Variants in SOX6 observed in about 807,000 individuals in gnomAD.
SOX6 encodes transcription factor SOX-6.
Under a neutral mutation model 97.8 loss-of-function variants are expected in SOX6, and 11 were observed. That is an observed-to-expected ratio of 0.11 (90% confidence interval 0.07 to 0.19). The LOEUF is 0.19. SOX6 is among the 10% of genes least tolerant of loss of function. The pLI is 1.00. For synonymous variants in SOX6, 360 were observed against 371.4 expected (o/e 0.97, Z 0.35); for missense variants, 810 against 1,039.5 (o/e 0.78, Z 3.04).
intron 11 of SOX6, among the ~76,000 whole-genome samples, chr11:16,047,592 T>C (rs1257579696): frequency 6.6e-6 from 1 of 152,094 alleles, no homozygotes; most frequent in Non-Finnish European, 1.5e-5. Context: ...TGAATAAGAT[T>C]TTCCAATTTT....
chr11:16,514,362 A>G (rs903136264), intron 4 of SOX6, among the ~76,000 whole-genome samples: 1 of 152,136 alleles, frequency 6.6e-6, no homozygotes, highest in Non-Finnish European at 1.5e-5. Flanking sequence ...CCAAAAGAAA[A>G]CTGGTAAAAG....
intron 4 of SOX6, among the ~76,000 whole-genome samples, chr11:16,521,630 G>C (rs1404247630): frequency 6.6e-6 from 1 of 152,218 alleles, no homozygotes; most frequent in Non-Finnish European, 1.5e-5. Flanking sequence ...AAGCTGGATG[G>C]AGAATTACTT....
intron 13 of SOX6, among the ~76,000 whole-genome samples, chr11:16,012,580 A>C (rs1397815664): frequency 6.6e-6 from 1 of 151,966 alleles, no homozygotes; most frequent in Non-Finnish European, 1.5e-5. Context: ...GGTGTATGGC[A>C]TGACTTGCTA....
chr11:16,330,513 A>C (rs2134322831), intron 2 of SOX6, among the ~76,000 whole-genome samples: 1 of 152,266 alleles, frequency 6.6e-6, no homozygotes, highest in Admixed American at 6.5e-5. Context: ...GTCGATATCA[A>C]GCCACTGCAC....
chr11:16,112,659 C>G (rs1173544226), intron 6 of SOX6, among the ~76,000 whole-genome samples: 1 of 152,006 alleles, frequency 6.6e-6, no homozygotes, highest in African/African-American at 2.4e-5. Flanking sequence ...TATCAAAGAG[C>G]ACAAAAAATG....
intron 3 of SOX6, among the ~76,000 whole-genome samples, chr11:16,674,980 A>G (rs1847874445): frequency 6.6e-6 from 1 of 152,112 alleles, no homozygotes; most frequent in African/African-American, 2.4e-5. Flanking sequence ...ATAGCATCCA[A>G]ATTGGAAACG....
At chr11:16,584,878 C>T (rs1339574747) in intron 4 of SOX6, among the ~76,000 whole-genome samples, 1 of 152,176 alleles carries the variant, frequency 6.6e-6, no homozygotes, top group Non-Finnish European at 1.5e-5. Context: ...GGAAATGCCT[C>T]CTGGGTCAAG....
chr11:16,631,525 T>G (rs1413663826), intron 3 of SOX6, among the ~76,000 whole-genome samples: 1 of 152,216 alleles, frequency 6.6e-6, no homozygotes, highest in Non-Finnish European at 1.5e-5. Context: ...TTCTTTAGCA[T>G]TGACCTTGGA....
chr11:16,444,340 A>G (rs1859571228), intron 1 of SOX6, among the ~76,000 whole-genome samples: 1 of 152,224 alleles, frequency 6.6e-6, no homozygotes, highest in African/African-American at 2.4e-5. Flanking sequence ...AATAGTAATT[A>G]CAGTATTATT....
intron 3 of SOX6, among the ~76,000 whole-genome samples, chr11:16,263,619 A>G (rs532980999): frequency 6.6e-6 from 1 of 152,134 alleles, no homozygotes; most frequent in South Asian, 2.1e-4. Context: ...ATTGCAGAAT[A>G]TCAGGACAGA....
chr11:16,497,364 G>A (rs1860618832), intron 4 of SOX6, among the ~76,000 whole-genome samples: 1 of 152,020 alleles, frequency 6.6e-6, no homozygotes, highest in Non-Finnish European at 1.5e-5. Context: ...ACAAAGATGG[G>A]GAAAAAACAG....
chr11:16,488,416 T>C (rs1220566179), intron 4 of SOX6, among the ~76,000 whole-genome samples: 1 of 152,148 alleles, frequency 6.6e-6, no homozygotes, highest in Non-Finnish European at 1.5e-5. Flanking sequence ...CCCAAAGTTT[T>C]TGTGGGGATT....
chr11:16,068,453 T>C (rs547044278), intron 9 of SOX6, among the ~76,000 whole-genome samples: 3 of 152,318 alleles, frequency 2.0e-5, no homozygotes, highest in African/African-American at 7.2e-5. Flanking sequence ...CAAATACTTT[T>C]ACTTTTCATA....
At chr11:16,301,998 G>A (rs1396842253) in intron 3 of SOX6, among the ~76,000 whole-genome samples, 2 of 151,920 alleles carry the variant, frequency 1.3e-5, no homozygotes, top group Non-Finnish European at 1.5e-5. Context: ...CTCTCAGCTA[G>A]ATATCTCCCT....
At chr11:16,628,345 C>T (rs541587816) in intron 3 of SOX6, among the ~76,000 whole-genome samples, 6 of 152,012 alleles carry the variant, frequency 3.9e-5, no homozygotes, top group South Asian at 2.1e-4. Context: ...ACATTGGGGC[C>T]GGGCATGGTT....
At chr11:16,397,544 T>G (rs1858396458) in intron 1 of SOX6, 1 of 152,022 alleles carries the variant, frequency 6.6e-6, no homozygotes, top group Non-Finnish European at 1.5e-5. Context: ...ATATTTCTTC[T>G]CTAGCTGGAT....
intron 3 of SOX6, among the ~76,000 whole-genome samples, chr11:16,617,356 A>G (rs893037699): frequency 1.2e-3 from 180 of 151,868 alleles, no homozygotes; most frequent in Non-Finnish European, 5.0e-4. Flanking sequence ...CTTTTGGGGG[A>G]AAATACTAAA....
chr11:16,150,736 A>C (rs1255212862), intron 6 of SOX6, among the ~76,000 whole-genome samples: 3 of 152,176 alleles, frequency 2.0e-5, no homozygotes, highest in African/African-American at 7.2e-5. Context: ...GTCTCTATTA[A>C]GCCATTTTTT....
intron 3 of SOX6, among the ~76,000 whole-genome samples, chr11:16,629,299 C>G (rs756779383): frequency 2.6e-5 from 4 of 152,058 alleles, no homozygotes; most frequent in Non-Finnish European, 4.4e-5. Flanking sequence ...GAATTTTTAC[C>G]ACGAAGCGAT....
Sources: allele counts gnomAD v4.1 joint callset (sites outside exome capture counted in the v4.1 genomes callset), GRCh38; gene constraint gnomAD v4.1.1; transcripts MANE v1.5; gene names NCBI Gene and HGNC (gene_info 2026-07-23, HGNC 2026-07-21).